Variants in VCAN observed in about 807,000 individuals in gnomAD.
VCAN encodes the protein versican.
Under a neutral mutation model 245.5 loss-of-function variants are expected in VCAN, and 44 were observed. That is an observed-to-expected ratio of 0.18 (90% CI 0.14 to 0.23). VCAN has a LOEUF of 0.23. VCAN is among the 10% of genes least tolerant of loss of function. The pLI, the probability that VCAN is intolerant of heterozygous loss-of-function variation, is 1.00. For missense variants in VCAN, 3,793 were observed against 4,057.9 expected (o/e 0.93, Z 1.77); for synonymous variants, 1,413 against 1,437.0 (o/e 0.98, Z 0.38).
chr5:83,509,185 T>G (rs1168477667), intron 5 of VCAN, among the ~76,000 whole-genome samples: 1 of 152,194 alleles, frequency 6.6e-6, no homozygotes, highest in Non-Finnish European at 1.5e-5. Context: ...TCTATGGGTA[T>G]CAAACAAATA....
intron 12 of VCAN, among the ~76,000 whole-genome samples, chr5:83,565,109 T>G (rs913078422): frequency 6.6e-6 from 1 of 152,172 alleles, no homozygotes; most frequent in South Asian, 2.1e-4. Flanking sequence ...GTCTGCAGTA[T>G]GAAAACATTT....
rs781150494 is a variant in VCAN at position 83,545,524 on chromosome 5, C to G, written c.9266-13C>G. The G allele has an allele frequency of 6.2e-7, 1 of 1,611,874 alleles. No individual in the cohort carries two copies. The highest frequency in any genetic ancestry group is 8.5e-7 in the Non-Finnish European group (1 of 1,178,032). ...GAGCCTAACTGCTTTTCTTACTTTCCTGAATATGGTAGGACCTGATCGCTG... is the reference window on the plus strand; with the variant it reads ...GAGCCTAACTGCTTTTCTTACTTTCGTGAATATGGTAGGACCTGATCGCTG... On this transcript the variant is annotated splice_polypyrimidine_tract_variant and intron_variant, in intron 8 of 14. Coordinates refer to ENST00000265077, the MANE Select transcript of VCAN (RefSeq NM_004385.5).
chr5:83,580,370 A>G lies in VCAN; in HGVS notation c.10127A>G (p.Asn3376Ser). 6.2e-7 allele frequency: 1 copy of G among 1,614,038 alleles called. No homozygotes were observed. The change falls in exon 15 of 15, where the codon AAT (asparagine) becomes AGT (serine). Residue 3376 changes from asparagine (N) to serine (S), a missense_variant. Transcript: ENST00000265077. ...YFKNSSSAKD[N>S]SINTSKHDHR... is the part of the protein sequence containing the mutation. ...AAAAATTCCTCATCAGCAAAGGACAATTCAATAAATACATCCAAACATGAT... is the reference window on the plus strand; with the variant it reads ...AAAAATTCCTCATCAGCAAAGGACAGTTCAATAAATACATCCAAACATGAT...
At chr5:83,558,185 A>G (rs1027293842) in intron 12 of VCAN, among the ~76,000 whole-genome samples, 2 of 152,132 alleles carry the variant, frequency 1.3e-5, no homozygotes, top group Non-Finnish European at 2.9e-5. Context: ...AGTTTTTTCT[A>G]CAGTCACCAT....
intron 6 of VCAN, 26 bp from the exon 7 acceptor site, chr5:83,519,323 T>C (rs371224838): frequency 6.2e-7 from 1 of 1,612,464 alleles, no homozygotes; most frequent in African/African-American, 1.3e-5. Context: ...ACTTGTCTAA[T>C]CAACTCTTTG....
chr5:83,572,681 T>C, intron 13 of VCAN, 121 bp downstream of exon 13: 7 of 1,273,748 alleles, frequency 5.5e-6, no homozygotes, highest in Non-Finnish European at 3.4e-6. Flanking sequence ...ATGTATGTCA[T>C]CTCTCGTTGC....
chr5:83,545,856 A>T (rs1747193752), intron 9 of VCAN, among the ~76,000 whole-genome samples: 1 of 152,136 alleles, frequency 6.6e-6, no homozygotes, highest in Non-Finnish European at 1.5e-5. Flanking sequence ...CGTAACCAAG[A>T]CTCAGTGAGG....
intron 5 of VCAN, among the ~76,000 whole-genome samples, chr5:83,508,786 A>G (rs1445177533): frequency 6.6e-6 from 1 of 152,196 alleles, no homozygotes; most frequent in Non-Finnish European, 1.5e-5. Flanking sequence ...AAGAAACCCA[A>G]TGGTAATGTT....
chr5:83,501,930 T>C (rs1745341041), intron 5 of VCAN, among the ~76,000 whole-genome samples: 1 of 152,204 alleles, frequency 6.6e-6, no homozygotes, highest in Non-Finnish European at 1.5e-5. Context: ...ACCTGAGATG[T>C]CTTTCTGCTA....
intron 1 of VCAN, among the ~76,000 whole-genome samples, chr5:83,474,933 G>A (rs1216666234): frequency 6.6e-6 from 1 of 152,152 alleles, no homozygotes; most frequent in Non-Finnish European, 1.5e-5. Context: ...GCAGGGGAGA[G>A]GTTAAAATTT....
chr5:83,475,599 A>T (rs999399589), intron 1 of VCAN, among the ~76,000 whole-genome samples: 4 of 152,226 alleles, frequency 2.6e-5, no homozygotes, highest in African/African-American at 7.2e-5. Flanking sequence ...GGAAATGTTA[A>T]GAGCAGTACA....
Position 83,541,158 on chromosome 5 carries a change from A to G in VCAN, c.8155A>G (p.Met2719Val), listed in dbSNP as rs1371691679. Residue 2719 changes from methionine to valine, a missense_variant, in exon 8 of 15, where the codon ATG becomes GTG. Physicochemically the swap from Met to Val is conservative, Grantham distance 21. This residue lies in a region of VCAN where 3,182 missense variants were observed against 3,250.3 expected (regional missense o/e 0.98). Transcript: ENST00000265077. ...AGCTGAAGCAAAAGCCCTGGATGACATGTTTGAATCAAGCACTTTGTCTGA... is the reference window on the plus strand; with the variant it reads ...AGCTGAAGCAAAAGCCCTGGATGACGTGTTTGAATCAAGCACTTTGTCTGA... ...IKAEAKALDD[M>V]FESSTLSDGQ... The G allele has an allele frequency of 6.2e-7, 1 of 1,614,070 alleles. No homozygotes were observed. The highest frequency in any genetic ancestry group is 1.1e-5 in the South Asian group (1 of 91,086).
intron 6 of VCAN, among the ~76,000 whole-genome samples, chr5:83,514,220 T>C (rs1013849641): frequency 6.6e-6 from 1 of 152,180 alleles, no homozygotes; most frequent in African/African-American, 2.4e-5. Context: ...GTAAATATAA[T>C]GGACTCATTA....
chr5:83,492,576 C>T (rs1278114812), intron 3 of VCAN, among the ~76,000 whole-genome samples: 2 of 152,276 alleles, frequency 1.3e-5, no homozygotes, highest in South Asian at 2.1e-4. Flanking sequence ...AGCTCCACCC[C>T]CTTGCTTGCT....
chr5:83,538,411 G>A lies in VCAN; in HGVS notation c.5408G>A (p.Gly1803Glu), dbSNP rs1420395155. The part of the protein sequence containing the change: ...FTETNTLENL[G>E]AQTTEHSSIH... Reference sequence around the variant, plus strand: ...GAAACAAATACATTAGAAAATTTGGGGGCACAGACCACTGAGCACAGCAGT... The same window carrying A: ...GAAACAAATACATTAGAAAATTTGGAGGCACAGACCACTGAGCACAGCAGT... Residue 1803 changes from glycine to glutamate, a missense_variant, in exon 8 of 15, where the codon GGG becomes GAG. This residue lies in a region of VCAN where 3,182 missense variants were observed against 3,250.3 expected (regional missense o/e 0.98). Transcript: ENST00000265077. The A allele has an allele frequency of 6.2e-7, 1 of 1,613,888 alleles. No homozygotes were observed. Among genetic ancestry groups the A allele is most frequent in the Non-Finnish European group, 8.5e-7 (1 of 1,179,944 alleles).
chr5:83,495,245 G>A (rs1745122965), intron 5 of VCAN, among the ~76,000 whole-genome samples: 1 of 152,108 alleles, frequency 6.6e-6, no homozygotes, highest in Non-Finnish European at 1.5e-5. Context: ...CTGATTCTGT[G>A]AATTGAATAA....
At position 83,521,631 on chromosome 5, in the gene VCAN, G is replaced by A. The variant is rs746816207; in HGVS notation, c.3325G>A (p.Val1109Ile). Residue 1109 changes from valine (V) to isoleucine (I), a missense_variant, in exon 7 of 15, where the codon GTA becomes ATA. Physicochemically the swap from Val to Ile is conservative, Grantham distance 29. Transcript: ENST00000265077. ...DHSVSYPPGA[V>I]TEHKVKTDEV... The stretch of plus-strand genomic sequence containing the variant: ...CAGTGTGTCTTATCCACCAGGTGCT[G>A]TAACTGAGCACAAAGTGAAAACAGA... 1.9e-6 allele frequency: 3 copies of A among 1,613,744 alleles called. No homozygotes were observed. Among genetic ancestry groups the A allele is most frequent in the African/African-American group, 1.3e-5 (1 of 74,912 alleles).
intron 6 of VCAN, among the ~76,000 whole-genome samples, chr5:83,515,569 G>C (rs1054006779): frequency 6.6e-6 from 1 of 150,498 alleles, no homozygotes; most frequent in South Asian, 2.1e-4. Flanking sequence ...TTCTCCAACT[G>C]AAACAGTTTT....
chr5:83,580,259 C>A, intron 14 of VCAN, 48 bp from the exon 15 acceptor site: 1 of 1,613,692 alleles, frequency 6.2e-7, no homozygotes, highest in South Asian at 1.1e-5. Flanking sequence ...GGGTATGGAG[C>A]AAGTAATATT....
Sources: allele counts gnomAD v4.1 joint callset (sites outside exome capture counted in the v4.1 genomes callset), GRCh38; gene constraint gnomAD v4.1.1; regional missense constraint gnomAD v4.1.1; transcripts MANE v1.5; gene names NCBI Gene and HGNC (gene_info 2026-07-23, HGNC 2026-07-21).